Variants in ZP4 observed in about 807,000 individuals in gnomAD.
ZP4 encodes the protein zona pellucida glycoprotein 4, also known as zona pellucida sperm-binding protein 4.
In ZP4, 62 loss-of-function variants were observed where a neutral mutation model predicts 62.3. That is an observed-to-expected ratio of 0.99 (90% CI 0.81 to 1.23). The LOEUF is 1.23. ZP4 is among the 50% of genes most tolerant of loss of function. ZP4 has a pLI of 0.00. For synonymous variants in ZP4, 289 were observed against 247.3 expected (o/e 1.17, Z -1.58); for missense variants, 774 against 656.0 (o/e 1.18, Z -1.97).
intron 10 of ZP4, among the ~76,000 whole-genome samples, chr1:237,883,662 GCC>G (rs1664975954): frequency 3.9e-4 from 2 of 5,116 alleles, no homozygotes; most frequent in Non-Finnish European, 4.6e-4. Flanking sequence ...GCGGGGGAGG[GCC>G]GGGGGAGGGC....
chr1:237,890,501 G>A lies in ZP4; in HGVS notation c.135C>T (p.Leu45=), dbSNP rs781405990. 3 of 1,614,018 alleles carry A rather than the reference G, an allele frequency of 1.9e-6. No individual in the cohort carries two copies. The highest frequency in any genetic ancestry group is 2.5e-6 in the Non-Finnish European group (3 of 1,179,994). ...GPWSFQFAVN[L]NQEATSPPVL... is the part of the protein sequence containing the mutation. Reference sequence around the variant, plus strand: ...CAGGAGGAGACGTTGCCTCCTGGTTGAGGTTTACAGCAAACTGGAAGCTCC... The same window carrying A: ...CAGGAGGAGACGTTGCCTCCTGGTTAAGGTTTACAGCAAACTGGAAGCTCC... The change falls in exon 1 of 12, where the codon CTC becomes CTT. Residue 45 remains leucine, a synonymous_variant. Transcript: ENST00000366570.
At chr1:237,883,499 A>G (rs113207379) in intron 10 of ZP4, among the ~76,000 whole-genome samples, 2,658 of 150,968 alleles carry the variant, frequency 0.018, 35 homozygotes, top group African/African-American at 0.04. Context: ...TGGATCACCT[A>G]AGGTCAGGAG....
At chr1:237,883,731 G>GA in intron 10 of ZP4, among the ~76,000 whole-genome samples, 2 of 66,460 alleles carry the variant, frequency 3.0e-5, no homozygotes, top group Non-Finnish European at 6.4e-5. Flanking sequence ...GGGCGGGGGA[G>GA]GGAGAGAGAG....
intron 10 of ZP4, among the ~76,000 whole-genome samples, chr1:237,884,033 A>AACACACACACAAACACAC (rs1300435485): frequency 8.9e-4 from 72 of 80,522 alleles, no homozygotes; most frequent in African/African-American, 4.5e-3. Context: ...CACACACACA[A>AACACACACACAAACACAC]ACACACACAA....
chr1:237,883,846 T>C lies in ZP4; in HGVS notation c.1390+923A>G, dbSNP rs73110300. Among the ~76,000 whole-genome samples, 932 of 131,244 alleles carry C rather than the reference T, an allele frequency of 7.1e-3. 19 individuals are homozygous for C. The highest frequency in any genetic ancestry group is 0.026 in the African/African-American group (832 of 32,154). 86.1% of individuals were successfully genotyped at this position (131,244 alleles called of 152,430 possible). ...GGGCATAGTAGAATACGCCTGTAGT[T>C]TTAGTTGGGAGGCTGAACTGGGCGT... On this transcript the variant is annotated intron_variant, in intron 10 of 11. Transcript: ENST00000366570.
At chr1:237,884,023 C>CACACACACAAACACACACACAA (rs1665029120) in intron 10 of ZP4, among the ~76,000 whole-genome samples, 2 of 65,224 alleles carry the variant, frequency 3.1e-5, no homozygotes, top group Admixed American at 1.6e-4. Context: ...CACAAACACA[C>CACACACACAAACACACACACAA]ACACACACAA....
At chr1:237,886,606 A>G (rs1232770467) in intron 6 of ZP4, among the ~76,000 whole-genome samples, 165 bp downstream of exon 6, 2 of 152,212 alleles carry the variant, frequency 1.3e-5, no homozygotes, top group African/African-American at 4.8e-5. Context: ...GGTTGGAGAC[A>G]GCAACACAGA....
chr1:237,883,657 G>A (rs1664974633), intron 10 of ZP4, among the ~76,000 whole-genome samples: 2 of 5,388 alleles, frequency 3.7e-4, no homozygotes, highest in Admixed American at 3.2e-3. Context: ...GGAGGGCGGG[G>A]GAGGGCCGGG....
intron 7 of ZP4, 37 bp from the exon 8 acceptor site, chr1:237,885,617 C>T (rs1167189873): frequency 6.2e-7 from 1 of 1,603,992 alleles, no homozygotes; most frequent in Admixed American, 1.7e-5. Flanking sequence ...AAGTAGTAAT[C>T]TCTCAGTGAC....
In ZP4 at chr1:237,887,436, T is replaced by TC; in HGVS notation, c.678dup (p.Met227AspfsTer30). On this transcript the variant is annotated frameshift_variant, in exon 5 of 12. Coordinates refer to ENST00000366570, the MANE Select transcript of ZP4 (RefSeq NM_021186.5). LOFTEE classifies it high-confidence loss of function. The stretch of plus-strand genomic sequence containing the variant: ...AACAGAACAAAAGCTTGTGTTGCCA[T>TC]CACAGGGTTACACGCACTGTCATTC... 1 of 1,614,128 alleles carries TC rather than the reference T, an allele frequency of 6.2e-7. No individual in the cohort carries two copies. Among genetic ancestry groups the TC allele is most frequent in the South Asian group, 1.1e-5 (1 of 91,084 alleles).
At chr1:237,886,952 G>A in intron 5 of ZP4, 84 bp from the exon 6 acceptor site, 2 of 1,176,016 alleles carry the variant, frequency 1.7e-6, no homozygotes, top group South Asian at 2.6e-5. Flanking sequence ...CCTCAGCAAT[G>A]CTACCCTGTT....
rs977632204 is a variant in ZP4 at position 237,882,989 on chromosome 1, A to T, written c.1391-143T>A. On this transcript the variant is annotated intron_variant, in intron 10 of 11. Coordinates refer to ENST00000366570, the MANE Select transcript of ZP4 (RefSeq NM_021186.5). ...AACCTCATTAAGTATATTAATATGTACTTGAACAAGTGAGATTTTATATCT... is the reference window on the plus strand; with the variant it reads ...AACCTCATTAAGTATATTAATATGTTCTTGAACAAGTGAGATTTTATATCT... The T allele has an allele frequency of 2.4e-5, 14 of 572,186 alleles. No homozygotes were observed. The East Asian group carries it at 3.4e-4, about 14-fold the overall frequency. The allele number at this position is 572,186 out of a possible 1,614,324, so 35.4% of individuals were successfully genotyped here.
intron 10 of ZP4, among the ~76,000 whole-genome samples, chr1:237,884,278 G>C (rs1323418112): frequency 6.6e-6 from 1 of 152,136 alleles, no homozygotes; most frequent in Non-Finnish European, 1.5e-5. Flanking sequence ...AAGCTTTAGA[G>C]GTCATGAATC....
chr1:237,889,798 A>G lies in ZP4; in HGVS notation c.400+69T>C, dbSNP rs530008547. On this transcript the variant is annotated intron_variant, in intron 3 of 11. Coordinates refer to ENST00000366570, the MANE Select transcript of ZP4 (RefSeq NM_021186.5). ...TGTCACTGCACAGAGCAGGTCAGAGAGGACCAAGAGTACTTTCACACCCCA... is the reference window on the plus strand; with the variant it reads ...TGTCACTGCACAGAGCAGGTCAGAGGGGACCAAGAGTACTTTCACACCCCA... 4.6e-5 allele frequency: 64 copies of G among 1,376,986 alleles called. No individual in the cohort carries two copies. In the African/African-American group the frequency reaches 5.7e-4, roughly 12 times the overall value. 85.3% of individuals were successfully genotyped at this position (1,376,986 alleles called of 1,614,324 possible). A position where few individuals can be genotyped will look rare whatever the true frequency, so the allele number is the denominator to read the frequency against.
chr1:237,884,651 T>G, intron 10 of ZP4, 118 bp downstream of exon 10: 1 of 895,308 alleles, frequency 1.1e-6, no homozygotes, highest in Non-Finnish European at 1.7e-6. Context: ...CGCAAGTACT[T>G]AGAGAAGCCT....
rs762888744 is a variant in ZP4, at chr1:237,885,390, C to T, written c.1160+1G>A. On this transcript the variant is annotated splice_donor_variant, in intron 8 of 11. Coordinates refer to ENST00000366570, the MANE Select transcript of ZP4 (RefSeq NM_021186.5). LOFTEE classifies it high-confidence loss of function. ...CACAGGTGTATGAAAGAACCACTTA[C>T]CCCTTTACCAGGATGGGCCACTGTG... The T allele has an allele frequency of 6.2e-6, 10 of 1,610,828 alleles. No homozygotes were observed. In the Admixed American group the frequency reaches 1.3e-4, roughly 22 times the overall value.
chr1:237,890,525 C>T lies in ZP4; in HGVS notation c.111G>A (p.Trp37Ter), dbSNP rs1304043232. The change falls in exon 1 of 12, where the codon TGG becomes TGA. Residue 37 changes from tryptophan to a stop codon, truncating the protein, a stop_gained. Coordinates refer to ENST00000366570, the MANE Select transcript of ZP4 (RefSeq NM_021186.5). LOFTEE classifies it high-confidence loss of function. ...DYSSVLHCGP[W>*]SFQFAVNLNQ... ...TGAGGTTTACAGCAAACTGGAAGCT[C>T]CACGGCCCACAGTGGAGCACACTGG... is the stretch of plus-strand genomic sequence containing the variant. 6.2e-7 allele frequency: 1 copy of T among 1,614,060 alleles called. No individual in the cohort carries two copies. Among genetic ancestry groups the T allele is most frequent in the Non-Finnish European group, 8.5e-7 (1 of 1,180,016 alleles).
chr1:237,890,655 G>A lies in ZP4; in HGVS notation c.-20C>T, dbSNP rs1208942868. The A allele has an allele frequency of 6.2e-6, 10 of 1,604,772 alleles. No homozygotes were observed. Among genetic ancestry groups the A allele is most frequent in the Non-Finnish European group, 8.5e-6 (10 of 1,175,132 alleles). ...CCACATAATGCTACCAGGAGTTCCT[G>A]CCGGCTGCAGACTCTCCGCCTCCTC... is the stretch of plus-strand genomic sequence containing the variant. On this transcript the variant is annotated 5_prime_UTR_variant, in exon 1 of 12. Coordinates refer to ENST00000366570, the MANE Select transcript of ZP4 (RefSeq NM_021186.5).
chr1:237,884,006 AC>A (rs1558530949), intron 10 of ZP4, among the ~76,000 whole-genome samples: 2,348 of 92,144 alleles, frequency 0.025, 38 homozygotes, highest in Non-Finnish European at 0.035. Context: ...ACACACACAC[AC>A]ACACACACAA....
Sources: gnomAD v4.1 joint callset for allele counts (sites outside exome capture counted in the v4.1 genomes callset) on GRCh38, gnomAD v4.1.1 for gene constraint, MANE v1.5 for transcripts, NCBI Gene and HGNC (gene_info 2026-07-23, HGNC 2026-07-21) for gene names.